Variants in SPATA17 observed in about 807,000 individuals in gnomAD.
The protein encoded by SPATA17 is spermatogenesis-associated protein 17.
Under a neutral mutation model 62.2 loss-of-function variants are expected in SPATA17, and 53 were observed. The ratio of observed to expected loss-of-function variants is 0.85; its 90% CI spans 0.68 to 1.07. The LOEUF (loss-of-function observed/expected upper bound fraction) is 1.07. SPATA17 is among the 50% of genes least tolerant of loss of function. The pLI, the probability that SPATA17 is intolerant of heterozygous loss-of-function variation, is 0.00. For missense variants in SPATA17, 466 were observed against 425.5 expected (o/e 1.10, Z -0.84); for synonymous variants, 146 against 146.8 (o/e 0.99, Z 0.04).
intron 10 of SPATA17, chr1:217,866,641 T>A (rs1365491161): frequency 6.6e-6 from 1 of 151,972 alleles, no homozygotes; most frequent in Non-Finnish European, 1.5e-5. Context: ...TTTAATTTTT[T>A]TGTAAAAATG....
rs12043993 is a variant in SPATA17, at chr1:217,719,695, G to A, written c.396-22280G>A. Among the ~76,000 whole-genome samples, 4 of 152,246 alleles carry A rather than the reference G, an allele frequency of 2.6e-5. No homozygotes were observed. In the East Asian group the frequency reaches 7.7e-4, roughly 29 times the overall value. Reference sequence around the variant, plus strand: ...GAATAACTTTTAAAATGAACAAAAGGGAACTCTAGAGAATACAAATATAGT... The same window carrying A: ...GAATAACTTTTAAAATGAACAAAAGAGAACTCTAGAGAATACAAATATAGT... On this transcript the variant is annotated intron_variant, in intron 5 of 10. Transcript: ENST00000366933.
At chr1:217,710,549 G>A (rs1275770351) in intron 5 of SPATA17, among the ~76,000 whole-genome samples, 6 of 152,014 alleles carry the variant, frequency 3.9e-5, no homozygotes, top group Non-Finnish European at 7.4e-5. Flanking sequence ...TAGTTTCTTA[G>A]TATGTTGATT....
intron 1 of SPATA17, among the ~76,000 whole-genome samples, chr1:217,634,388 A>C (rs1031153106): frequency 2.6e-5 from 4 of 152,068 alleles, no homozygotes; most frequent in African/African-American, 4.8e-5. Flanking sequence ...GTTGGGTCAG[A>C]GATGAAATCA....
intron 3 of SPATA17, among the ~76,000 whole-genome samples, chr1:217,666,531 T>C (rs1477180126): frequency 2.0e-5 from 3 of 152,124 alleles, no homozygotes; most frequent in Admixed American, 2.0e-4. Flanking sequence ...CATGTGTTTT[T>C]TTTTTTAGTT....
At chr1:217,713,453 C>T (rs902287629) in intron 5 of SPATA17, among the ~76,000 whole-genome samples, 3 of 152,152 alleles carry the variant, frequency 2.0e-5, no homozygotes, top group African/African-American at 7.2e-5. Flanking sequence ...AGAGATGACT[C>T]ATTAGGGCAC....
chr1:217,638,486 A>G (rs1281835053), intron 1 of SPATA17, among the ~76,000 whole-genome samples: 2 of 152,284 alleles, frequency 1.3e-5, no homozygotes, highest in East Asian at 3.9e-4. Flanking sequence ...CAACATGTTC[A>G]CTGCTGGCTC....
At chr1:217,747,542 TA>T (rs1672791700) in intron 6 of SPATA17, among the ~76,000 whole-genome samples, 2 of 152,168 alleles carry the variant, frequency 1.3e-5, no homozygotes, top group South Asian at 4.1e-4. Context: ...TATATAGAAT[TA>T]TACACGGCAA....
intron 8 of SPATA17, among the ~76,000 whole-genome samples, chr1:217,786,836 T>G (rs1458004969): frequency 6.7e-6 from 1 of 149,148 alleles, no homozygotes; most frequent in Non-Finnish European, 1.5e-5. Context: ...TTTGAATGGA[T>G]GCTTCTACTT....
intron 3 of SPATA17, among the ~76,000 whole-genome samples, chr1:217,665,961 A>G (rs1398053739): frequency 6.6e-6 from 1 of 152,168 alleles, no homozygotes; most frequent in Admixed American, 6.5e-5. Context: ...TTCCTATCCT[A>G]TCTGATGTAA....
chr1:217,812,834 T>C (rs912479530), intron 9 of SPATA17, among the ~76,000 whole-genome samples: 8 of 152,226 alleles, frequency 5.3e-5, no homozygotes, highest in Admixed American at 5.2e-4. Flanking sequence ...TGAATTGGAA[T>C]GAGTTTCCAT....
At chr1:217,767,297 C>T (rs1202845293) in intron 6 of SPATA17, among the ~76,000 whole-genome samples, 1 of 151,754 alleles carries the variant, frequency 6.6e-6, no homozygotes, top group East Asian at 1.9e-4. Flanking sequence ...TTTTTCTTTA[C>T]CTTTGGTTTT....
At chr1:217,853,436 T>C (rs1675709053) in intron 9 of SPATA17, among the ~76,000 whole-genome samples, 1 of 152,188 alleles carries the variant, frequency 6.6e-6, no homozygotes, top group African/African-American at 2.4e-5. Context: ...ATTTTATGTA[T>C]TCATGTTCTC....
chr1:217,670,900 G>A (rs575544309), intron 4 of SPATA17, among the ~76,000 whole-genome samples: 179 of 144,446 alleles, frequency 1.2e-3, no homozygotes, highest in Non-Finnish European at 1.9e-3. Context: ...GCAGTGAGCC[G>A]AGATCCCACC....
chr1:217,767,194 T>A (rs1673321249), intron 6 of SPATA17, among the ~76,000 whole-genome samples: 1 of 152,192 alleles, frequency 6.6e-6, no homozygotes. Context: ...CTCTATTCTC[T>A]TCTTGCTTGC....
chr1:217,667,568 C>T (rs143661630), intron 3 of SPATA17, among the ~76,000 whole-genome samples: 69 of 152,174 alleles, frequency 4.5e-4, no homozygotes, highest in Non-Finnish European at 8.4e-4. Context: ...TTCACGGCCA[C>T]ACAGCTGTTA....
chr1:217,847,141 C>G (rs1026762266), intron 9 of SPATA17, among the ~76,000 whole-genome samples: 3 of 151,780 alleles, frequency 2.0e-5, no homozygotes, highest in Non-Finnish European at 2.9e-5. Context: ...CTATTCTATC[C>G]TCTCAATCTT....
intron 6 of SPATA17, among the ~76,000 whole-genome samples, chr1:217,768,495 C>CTT (rs1183998775): frequency 1.4e-5 from 2 of 142,438 alleles, no homozygotes; most frequent in Admixed American, 7.1e-5. Flanking sequence ...CTCTACCCAT[C>CTT]TTTTTTTTTT....
intron 6 of SPATA17, among the ~76,000 whole-genome samples, chr1:217,760,277 C>T (rs897715899): frequency 6.6e-6 from 1 of 152,030 alleles, no homozygotes. Flanking sequence ...TCTGGGCCTT[C>T]TACTATCAAG....
intron 5 of SPATA17, among the ~76,000 whole-genome samples, chr1:217,688,837 G>A (rs1671285350): frequency 2.0e-5 from 3 of 151,980 alleles, no homozygotes; most frequent in Non-Finnish European, 4.4e-5. Context: ...AAATCGGTGG[G>A]GGAAAGGAGC....
Sources: allele counts gnomAD v4.1 joint callset (sites outside exome capture counted in the v4.1 genomes callset), GRCh38; gene constraint gnomAD v4.1.1; transcripts MANE v1.5; gene names NCBI Gene and HGNC (gene_info 2026-07-23, HGNC 2026-07-21).